UGT2B11: variants seen among roughly 807,000 people sequenced by gnomAD.
UGT2B11 encodes UDP glucuronosyltransferase family 2 member B11.
UGT2B11 carries 49 observed loss-of-function variants against 51.7 expected under a neutral mutation model. The observed-to-expected ratio is 0.95, with a 90% CI of 0.75 to 1.20. UGT2B11 has a LOEUF of 1.20. Ranked by LOEUF, UGT2B11 falls within the 50% of genes most tolerant of loss-of-function variation. UGT2B11 has a pLI of 0.00. For missense variants in UGT2B11, 810 were observed against 622.1 expected (o/e 1.30, Z -3.21); for synonymous variants, 273 against 209.0 (o/e 1.31, Z -2.64).
At chr4:69,207,892 A>T (rs1282432491) in intron 3 of UGT2B11, among the ~76,000 whole-genome samples, 2 of 151,626 alleles carry the variant, frequency 1.3e-5, no homozygotes, top group African/African-American at 4.8e-5. Context: ...AAATGATCAT[A>T]AGTCTTCCTT....
At chr4:69,222,367 C>T in the UGT2B11 span, among the ~76,000 whole-genome samples, 3 of 152,210 alleles carry the variant, frequency 2.0e-5, no homozygotes, top group Non-Finnish European at 4.4e-5. Context: ...TTCCTCCTTT[C>T]CCTTTGTAAT....
In UGT2B11 at chr4:69,214,193, C is replaced by G; in HGVS notation, c.530G>C (p.Gly177Ala). The G allele has an allele frequency of 6.2e-7, 1 of 1,612,916 alleles. No individual in the cohort carries two copies. The highest frequency in any genetic ancestry group is 8.5e-7 in the Non-Finnish European group (1 of 1,179,374). ...RFVYSLRFTP[G>A]YTIERHSGGL... ...TCCACTGTGCCTTTCAATTGTGTAG[C>G]CAGGAGTAAAGCGGAGACTGTACAC... is the stretch of plus-strand genomic sequence containing the variant. The change falls in exon 1 of 6, where the codon GGC becomes GCC. Residue 177 changes from glycine (G) to alanine (A), a missense_variant. By Grantham distance (60) the Gly-to-Ala change is moderately conservative. Coordinates refer to ENST00000446444, the MANE Select transcript of UGT2B11 (RefSeq NM_001073.3).
At chr4:69,221,289 G>T in the UGT2B11 span, among the ~76,000 whole-genome samples, 3 of 152,180 alleles carry the variant, frequency 2.0e-5, no homozygotes, top group Admixed American at 6.5e-5. Context: ...GGTGTTCCAA[G>T]GACTGGTACA....
chr4:69,204,112 T>A (rs939209374), intron 5 of UGT2B11, among the ~76,000 whole-genome samples: 1 of 151,402 alleles, frequency 6.6e-6, no homozygotes, highest in African/African-American at 2.4e-5. Flanking sequence ...TTTTATTATA[T>A]TATTTCAAGT....
chr4:69,206,959 T>C (rs1261867353), intron 3 of UGT2B11, among the ~76,000 whole-genome samples: 3 of 151,644 alleles, frequency 2.0e-5, no homozygotes, highest in African/African-American at 7.3e-5. Context: ...GCCAAGATTT[T>C]ATGTATAACT....
At chr4:69,208,164 G>C (rs1471887677) in intron 3 of UGT2B11, among the ~76,000 whole-genome samples, 187 bp downstream of exon 3, 3 of 151,374 alleles carry the variant, frequency 2.0e-5, no homozygotes, top group Non-Finnish European at 4.4e-5. Flanking sequence ...ACTCCCCCAG[G>C]GCCACATGTA....
At chr4:69,222,644 T>G in the UGT2B11 span, among the ~76,000 whole-genome samples, 2 of 152,208 alleles carry the variant, frequency 1.3e-5, no homozygotes, top group East Asian at 1.9e-4. Context: ...GGACTTAAGG[T>G]CTGATCAAGA....
chr4:69,212,990 A>T (rs575677655), intron 1 of UGT2B11, among the ~76,000 whole-genome samples: 5 of 151,606 alleles, frequency 3.3e-5, no homozygotes, highest in African/African-American at 1.2e-4. Flanking sequence ...AAAATAAGTC[A>T]TAGATAATTA....
intron 5 of UGT2B11, among the ~76,000 whole-genome samples, chr4:69,202,903 C>T (rs1721710349): frequency 6.6e-6 from 1 of 151,386 alleles, no homozygotes; most frequent in Non-Finnish European, 1.5e-5. Context: ...TAGATGATAC[C>T]CTCCTTACAC....
Position 69,214,006 on chromosome 4 carries a change from A to G in UGT2B11, c.717T>C (p.Val239=), listed in dbSNP as rs756757372. ...MKKWDQFYSE[V]LGRPTTLFET... The stretch of plus-strand genomic sequence containing the variant: ...ACCGATTAAACAAATTCTTACCTAA[A>G]ACTTCACTGTAAAACTGATCCCACT... The change falls in exon 1 of 6, where the codon GTT becomes GTC. Residue 239 remains valine, a synonymous_variant. Coordinates refer to ENST00000446444, the MANE Select transcript of UGT2B11 (RefSeq NM_001073.3). The G allele has an allele frequency of 3.8e-6, 6 of 1,562,300 alleles. No homozygotes were observed. The East Asian group carries it at 1.1e-4, about 29-fold the overall frequency.
At chr4:69,221,118 G>A in the UGT2B11 span, among the ~76,000 whole-genome samples, 1 of 152,174 alleles carries the variant, frequency 6.6e-6, no homozygotes, top group Admixed American at 6.5e-5. Flanking sequence ...GGACATGGGA[G>A]GTGCTAGAAA....
At chr4:69,222,010 A>G in the UGT2B11 span, among the ~76,000 whole-genome samples, 12 of 152,390 alleles carry the variant, frequency 7.9e-5, no homozygotes, top group South Asian at 2.5e-3. Context: ...CACTGATAAC[A>G]AGTCCTACTA....
chr4:69,214,661 C>G lies in UGT2B11; in HGVS notation c.62G>C (p.Gly21Ala), dbSNP rs757310603. The G allele has an allele frequency of 3.2e-5, 51 of 1,612,880 alleles. No individual in the cohort carries two copies. The highest frequency in any genetic ancestry group is 4.1e-5 in the Non-Finnish European group (48 of 1,179,264). ...CCACACCAGCACTTTTCCACAACTC[C>G]CAGAGCTAAAGTAACAACTGAGATG... is the stretch of plus-strand genomic sequence containing the variant. ...LIHLSCYFSS[G>A]SCGKVLVWAA... Residue 21 changes from glycine (G) to alanine (A), a missense_variant, in exon 1 of 6, where the codon GGG becomes GCG. Coordinates refer to ENST00000446444, the MANE Select transcript of UGT2B11 (RefSeq NM_001073.3).
chr4:69,204,064 G>A (rs928972176), intron 5 of UGT2B11, among the ~76,000 whole-genome samples: 1 of 151,532 alleles, frequency 6.6e-6, no homozygotes, highest in Non-Finnish European at 1.5e-5. Context: ...CAAGAAAATA[G>A]TTATATTCTG....
chr4:69,223,982 T>C, the UGT2B11 span, among the ~76,000 whole-genome samples: 10 of 152,126 alleles, frequency 6.6e-5, no homozygotes, highest in Non-Finnish European at 1.0e-4. Context: ...CTACTATCCA[T>C]ATGATAATTA....
intron 3 of UGT2B11, among the ~76,000 whole-genome samples, chr4:69,208,136 T>G (rs1276773649): frequency 1.3e-5 from 2 of 151,574 alleles, no homozygotes; most frequent in Non-Finnish European, 3.0e-5. Flanking sequence ...GAGCCACTCA[T>G]GAATACCAAG....
At chr4:69,219,706 T>A (rs772752504), upstream of UGT2B11, among the ~76,000 whole-genome samples, 23 of 152,180 alleles carry the variant, frequency 1.5e-4, no homozygotes, top group Admixed American at 9.2e-4. Flanking sequence ...AACTATAAGA[T>A]CTCAAGACAC....
chr4:69,210,770 G>T (rs976325328), intron 2 of UGT2B11, among the ~76,000 whole-genome samples: 3 of 151,558 alleles, frequency 2.0e-5, no homozygotes, highest in African/African-American at 4.8e-5. Context: ...GCATTAAACA[G>T]AGATACTGAG....
In UGT2B11 at chr4:69,200,310, AAAT is replaced by A; in HGVS notation, c.*127_*129del. The stretch of plus-strand genomic sequence containing the variant: ...TTTTTACTTGACAAGGTAGATTTGA[AAAT>A]TTTTTTTTTTTTTTTTTTTTTGTCA... On this transcript the variant is annotated 3_prime_UTR_variant, in exon 6 of 6. Transcript: ENST00000446444. The A allele has an allele frequency of 9.5e-7, 1 of 1,052,976 alleles. No homozygotes were observed. The highest frequency in any genetic ancestry group is 1.2e-6 in the Non-Finnish European group (1 of 823,478). 65.2% of individuals were successfully genotyped at this position (1,052,976 alleles called of 1,614,324 possible).
Sources: allele counts gnomAD v4.1 joint callset (sites outside exome capture counted in the v4.1 genomes callset), GRCh38; gene constraint gnomAD v4.1.1; transcripts MANE v1.5; gene names NCBI Gene and HGNC (gene_info 2026-07-23, HGNC 2026-07-21).